Variants in MAGI2 observed in about 807,000 individuals in gnomAD.
The protein encoded by MAGI2 is membrane-associated guanylate kinase, WW and PDZ domain-containing protein 2.
MAGI2 carries 35 observed loss-of-function variants against 133.3 expected under a neutral mutation model. The ratio of observed to expected loss-of-function variants is 0.26; its 90% confidence interval spans 0.20 to 0.35. The LOEUF is 0.35. Among genes scored for constraint, MAGI2 ranks in the 10% least tolerant of loss-of-function variants. The pLI, the probability that MAGI2 is intolerant of heterozygous loss-of-function variation, is 1.00. For missense variants in MAGI2, 1,636 were observed against 1,863.4 expected (o/e 0.88, Z 2.25); for synonymous variants, 729 against 710.6 (o/e 1.03, Z -0.41).
At chr7:78,747,321 GT>G (rs1172886716) in intron 2 of MAGI2, among the ~76,000 whole-genome samples, 1 of 152,048 alleles carries the variant, frequency 6.6e-6, no homozygotes, top group Non-Finnish European at 1.5e-5. Flanking sequence ...AAGATCTTTG[GT>G]TTTTATCTAA....
rs549909911 is a variant in MAGI2, at chr7:79,244,110, C to G, written c.301+208910G>C. Reference sequence around the variant, plus strand: ...GCACACTAACCAATCATGCCATTGGCTCTCCATGAGGTCTTTGTAAACCTA... The same window carrying G: ...GCACACTAACCAATCATGCCATTGGGTCTCCATGAGGTCTTTGTAAACCTA... On this transcript the variant is annotated intron_variant, in intron 1 of 21. Coordinates refer to ENST00000354212, the MANE Select transcript of MAGI2 (RefSeq NM_012301.4). Among the ~76,000 whole-genome samples the G allele has an allele frequency of 1.8e-4, 28 of 152,304 alleles. No homozygotes were observed. In the South Asian group the frequency reaches 3.1e-3, roughly 17 times the overall value.
chr7:78,458,551 AAT>A (rs1418079912), intron 6 of MAGI2, among the ~76,000 whole-genome samples: 2 of 152,032 alleles, frequency 1.3e-5, no homozygotes, highest in African/African-American at 4.8e-5. Context: ...ACAATTAAAT[AAT>A]AGTTTAAATT....
intron 20 of MAGI2, among the ~76,000 whole-genome samples, chr7:78,124,280 T>C (rs759086874): frequency 1.3e-5 from 2 of 152,190 alleles, no homozygotes; most frequent in African/African-American, 2.4e-5. Flanking sequence ...CAGGAAACCA[T>C]GTGGAGGCCC....
chr7:78,232,133 A>G (rs1790042654), intron 10 of MAGI2, among the ~76,000 whole-genome samples: 1 of 152,182 alleles, frequency 6.6e-6, no homozygotes. Flanking sequence ...GTAGCTTCAA[A>G]CAAAATTGGC....
At chr7:78,258,054 A>G (rs2150956020) in intron 9 of MAGI2, among the ~76,000 whole-genome samples, 1 of 152,350 alleles carries the variant, frequency 6.6e-6, no homozygotes, top group Non-Finnish European at 1.5e-5. Flanking sequence ...TCCCAAATTG[A>G]CAGAGAGGCC....
rs963761610 is a variant in MAGI2, at chr7:78,481,274, G to A, written c.1045+8487C>T. Among the ~76,000 whole-genome samples the A allele has an allele frequency of 3.6e-4, 55 of 152,070 alleles. No homozygotes were observed. The Middle Eastern group carries it at 0.01, about 28-fold the overall frequency. On this transcript the variant is annotated intron_variant, in intron 6 of 21. Coordinates refer to ENST00000354212, the MANE Select transcript of MAGI2 (RefSeq NM_012301.4). ...CAGAAAACTTATAATCATGGCAGAA[G>A]GGGAAGCAGACACATCTTACATGGC...
intron 10 of MAGI2, 134 bp downstream of exon 10, chr7:78,255,809 C>G: frequency 2.2e-6 from 2 of 916,270 alleles, no homozygotes; most frequent in Non-Finnish European, 3.3e-6. Context: ...ATGTTTTTCT[C>G]TCTCACTCTT....
intron 6 of MAGI2, among the ~76,000 whole-genome samples, chr7:78,403,244 T>C (rs1797063654): frequency 6.6e-6 from 1 of 151,684 alleles, no homozygotes; most frequent in Non-Finnish European, 1.5e-5. Flanking sequence ...AGTGAGAACA[T>C]GCGGTGTTTG....
intron 1 of MAGI2, among the ~76,000 whole-genome samples, chr7:79,101,928 A>G (rs747634401): frequency 6.6e-6 from 1 of 151,722 alleles, no homozygotes; most frequent in Non-Finnish European, 1.5e-5. Flanking sequence ...TATACACCAT[A>G]TATTTTAGGA....
intron 14 of MAGI2, among the ~76,000 whole-genome samples, chr7:78,176,908 G>GACTCACACACACACAC (rs781171770): frequency 3.8e-5 from 5 of 130,486 alleles, no homozygotes; most frequent in South Asian, 5.2e-4. Flanking sequence ...ACCATATATA[G>GACTCACACACACACAC]ACACACACAC....
intron 1 of MAGI2, among the ~76,000 whole-genome samples, chr7:79,063,711 C>A (rs1584829066): frequency 6.6e-6 from 1 of 152,038 alleles, no homozygotes; most frequent in East Asian, 1.9e-4. Flanking sequence ...TACCTATTTT[C>A]CTAAGCTAAA....
At chr7:79,452,184 G>T (rs1027987405) in intron 1 of MAGI2, among the ~76,000 whole-genome samples, 3 of 152,078 alleles carry the variant, frequency 2.0e-5, no homozygotes, top group Non-Finnish European at 4.4e-5. Flanking sequence ...CACTCAATGA[G>T]GGCAACCCCT....
intron 2 of MAGI2, among the ~76,000 whole-genome samples, chr7:78,968,524 G>A (rs1426621539): frequency 6.6e-6 from 1 of 151,160 alleles, no homozygotes; most frequent in Non-Finnish European, 1.5e-5. Flanking sequence ...TAATGGGATT[G>A]TTTCTTAATC....
intron 6 of MAGI2, among the ~76,000 whole-genome samples, chr7:78,431,074 CTGTG>C (rs147567944): frequency 4.5e-4 from 66 of 146,462 alleles, no homozygotes; most frequent in East Asian, 1.2e-3. Context: ...GTGAGGTAGG[CTGTG>C]TGTGTGTGTG....
rs563900026 is a variant in MAGI2, at chr7:79,452,952, C to G, written c.301+68G>C. On this transcript the variant is annotated intron_variant, in intron 1 of 21. Coordinates refer to ENST00000354212, the MANE Select transcript of MAGI2 (RefSeq NM_012301.4). ...ACCCCCTTCAACATGCGCGGCCACC[C>G]TTTCATTGCCCTGCGCCCCGAGCGG... 1.1e-5 allele frequency: 16 copies of G among 1,480,170 alleles called. No individual in the cohort carries two copies. In the South Asian group the frequency reaches 1.2e-4, roughly 11 times the overall value. 91.7% of individuals were successfully genotyped at this position (1,480,170 alleles called of 1,614,324 possible).
chr7:78,226,465 G>A (rs1340761198), intron 10 of MAGI2, among the ~76,000 whole-genome samples: 8 of 152,178 alleles, frequency 5.3e-5, no homozygotes, highest in Non-Finnish European at 1.2e-4. Flanking sequence ...CCAATTTGGA[G>A]TTGGGACTTT....
intron 1 of MAGI2, among the ~76,000 whole-genome samples, chr7:79,024,843 TAA>T (rs57650854): frequency 1.3e-5 from 2 of 150,866 alleles, no homozygotes; most frequent in Middle Eastern, 3.5e-3. Context: ...ATTAAAAAGT[TAA>T]AAAAAAAACA....
rs1422602940 is a variant in MAGI2 at position 78,959,171 on chromosome 7, C to T, written c.418+47919G>A. Among the ~76,000 whole-genome samples the T allele has an allele frequency of 2.6e-5, 4 of 152,010 alleles. 1 individual carries two copies. In the Middle Eastern group the frequency reaches 0.01, roughly 388 times the overall value. ...ATTTATGTGTTCATAATTATGGTTGCTGAAAATATATTGAAAGAAAAGAGA... is the reference window on the plus strand; with the variant it reads ...ATTTATGTGTTCATAATTATGGTTGTTGAAAATATATTGAAAGAAAAGAGA... On this transcript the variant is annotated intron_variant, in intron 2 of 21. Transcript: ENST00000354212.
At chr7:79,234,623 G>C (rs891598259) in intron 1 of MAGI2, among the ~76,000 whole-genome samples, 2 of 151,864 alleles carry the variant, frequency 1.3e-5, no homozygotes, top group African/African-American at 4.8e-5. Context: ...CGTAGGTCTC[G>C]AGCCTTGGTT....
Sources: allele counts gnomAD v4.1 joint callset (sites outside exome capture counted in the v4.1 genomes callset), GRCh38; gene constraint gnomAD v4.1.1; transcripts MANE v1.5; gene names NCBI Gene and HGNC (gene_info 2026-07-23, HGNC 2026-07-21).